Variants in HCRTR2 observed in about 807,000 individuals in gnomAD.
HCRTR2 encodes orexin receptor type 2.
HCRTR2 carries 22 observed loss-of-function variants against 49.0 expected under a neutral mutation model. The observed-to-expected ratio is 0.45, with a 90% CI of 0.32 to 0.64. HCRTR2 has a LOEUF of 0.64. HCRTR2 is among the 30% of genes least tolerant of loss of function. The pLI is 0.04. For synonymous variants in HCRTR2, 236 were observed against 205.3 expected, an observed-to-expected ratio of 1.15 and a Z score of -1.28; for missense variants, 491 against 559.4, an observed-to-expected ratio of 0.88 and a Z score of 1.23.
Position 55,159,681 on chromosome 6 carries a change from C to T in HCRTR2, c.-377-14530C>T, listed in dbSNP as rs780335425. ...GCTGAAAACTATAGCACAAGAACTT[C>T]GTGCAGCATACACAGGTATCAATAT... is the stretch of plus-strand genomic sequence containing the variant. On this transcript the variant is annotated intron_variant, in intron 1 of 7. Transcript: ENST00000615358. Among the ~76,000 whole-genome samples the T allele has an allele frequency of 7.9e-5, 12 of 152,090 alleles. No individual in the cohort carries two copies. In the South Asian group the frequency reaches 8.3e-4, roughly 11 times the overall value.
intron 1 of HCRTR2, among the ~76,000 whole-genome samples, chr6:55,152,275 CAT>C: frequency 6.6e-6 from 1 of 151,998 alleles, no homozygotes; most frequent in East Asian, 1.9e-4. Flanking sequence ...CATCCTAACA[CAT>C]GTGACGTAAA....
chr6:55,140,908 AAG>A (rs889882608), intron 1 of HCRTR2, among the ~76,000 whole-genome samples: 46 of 152,318 alleles, frequency 3.0e-4, no homozygotes, highest in African/African-American at 1.0e-3. Context: ...CGTAGAGGAA[AAG>A]AGAGTTCGGA....
At chr6:55,262,304 C>T (rs772064110) in intron 3 of HCRTR2, among the ~76,000 whole-genome samples, 32 of 137,532 alleles carry the variant, frequency 2.3e-4, no homozygotes, top group African/African-American at 3.0e-4. Context: ...TTCAGATTCC[C>T]GACATAATAT....
chr6:55,245,319 G>C (rs1766411105), intron 1 of HCRTR2, among the ~76,000 whole-genome samples: 1 of 144,252 alleles, frequency 6.9e-6, no homozygotes, highest in Non-Finnish European at 1.5e-5. Context: ...TTTCTTCTTA[G>C]GATTGAAAGG....
intron 1 of HCRTR2, among the ~76,000 whole-genome samples, chr6:55,139,635 G>C (rs575490502): frequency 2.0e-5 from 3 of 152,164 alleles, no homozygotes; most frequent in African/African-American, 7.2e-5. Flanking sequence ...CAAGATCAAA[G>C]GAGGTAATGT....
chr6:55,168,797 T>A lies in HCRTR2; in HGVS notation c.-377-5414T>A, dbSNP rs1449920041. On this transcript the variant is annotated intron_variant, in intron 1 of 7. Transcript: ENST00000615358. The stretch of plus-strand genomic sequence containing the variant: ...AGTTGCCCAACCTGGAAAATTGGAA[T>A]AATAATTCATAAAATCTTCCTCCTA... Among the ~76,000 whole-genome samples the A allele has an allele frequency of 2.0e-5, 3 of 152,092 alleles. No individual in the cohort carries two copies. In the East Asian group the frequency reaches 5.8e-4, roughly 29 times the overall value.
chr6:55,222,921 G>C (rs1765926278), intron 1 of HCRTR2, among the ~76,000 whole-genome samples: 1 of 152,086 alleles, frequency 6.6e-6, no homozygotes, highest in Non-Finnish European at 1.5e-5. Flanking sequence ...TTAGGTCCAT[G>C]TTATGTGATT....
intron 1 of HCRTR2, among the ~76,000 whole-genome samples, chr6:55,135,800 G>T (rs1183318410): frequency 1.3e-5 from 2 of 152,148 alleles, no homozygotes; most frequent in Admixed American, 6.6e-5. Flanking sequence ...CTGGAATTCA[G>T]CCTGATTTCA....
intron 1 of HCRTR2, among the ~76,000 whole-genome samples, chr6:55,192,390 AACACACACACACGCGCGCGCGCGCAC>A (rs936347929): frequency 1.5e-5 from 2 of 136,436 alleles, no homozygotes; most frequent in Non-Finnish European, 3.1e-5. Context: ...CCTTTCTCTA[AACACACACACACGCGCGCGCGCGCAC>A]ACACACACAC....
At chr6:55,149,117 C>T (rs72975491) in intron 1 of HCRTR2, among the ~76,000 whole-genome samples, 35,730 of 151,880 alleles carry the variant, frequency 0.24, 5,186 homozygotes, top group Middle Eastern at 0.39. Context: ...GCTTTCCCAC[C>T]ACAGAGACCC....
intron 1 of HCRTR2, among the ~76,000 whole-genome samples, chr6:55,199,035 T>C (rs1765465770): frequency 1.3e-5 from 2 of 152,328 alleles, no homozygotes; most frequent in South Asian, 4.1e-4. Flanking sequence ...TAGTTAGTTT[T>C]GCTCATGTAA....
At chr6:55,125,697 C>A (rs550336164) in intron 1 of HCRTR2, among the ~76,000 whole-genome samples, 2 of 152,242 alleles carry the variant, frequency 1.3e-5, no homozygotes, top group South Asian at 4.2e-4. Context: ...GGATAATATC[C>A]TGAAGAGTGT....
intron 4 of HCRTR2, among the ~76,000 whole-genome samples, chr6:55,275,644 G>C (rs1395589682): frequency 8.7e-6 from 1 of 114,524 alleles, no homozygotes; most frequent in Non-Finnish European, 1.7e-5. Context: ...TTTTGCTCTT[G>C]TTGCCCAGGC....
chr6:55,248,591 T>C (rs1303077347), intron 1 of HCRTR2, 48 bp from the exon 2 acceptor site: 9 of 1,417,232 alleles, frequency 6.4e-6, no homozygotes, highest in Non-Finnish European at 9.0e-6. Flanking sequence ...TCCTCACCAA[T>C]ACCTATTTTC....
intron 1 of HCRTR2, among the ~76,000 whole-genome samples, chr6:55,214,762 A>G (rs751728564): frequency 2.0e-5 from 3 of 152,120 alleles, no homozygotes; most frequent in Admixed American, 6.6e-5. Context: ...ATGTAAAAAG[A>G]ATCAAACAAA....
In HCRTR2 at chr6:55,252,493, C is replaced by T. The variant is rs149268726; in HGVS notation, c.403-2643C>T. 1.2e-4 allele frequency among the ~76,000 whole-genome samples: 18 copies of T among 152,090 alleles called. No homozygotes were observed. The East Asian group carries it at 1.5e-3, about 13-fold the overall frequency. On this transcript the variant is annotated intron_variant, in intron 2 of 6. Transcript: ENST00000370862. ...CTCTAGCCCAGAAGCTATGAAAAGGCGACTGTGCGAATCTATACAACCATA... is the reference window on the plus strand; with the variant it reads ...CTCTAGCCCAGAAGCTATGAAAAGGTGACTGTGCGAATCTATACAACCATA...
chr6:55,119,249 C>T (rs185282018), intron 1 of HCRTR2, among the ~76,000 whole-genome samples: 18 of 151,962 alleles, frequency 1.2e-4, no homozygotes, highest in South Asian at 8.3e-4. Context: ...AATAAACATA[C>T]GTGTGCATGT....
intron 3 of HCRTR2, among the ~76,000 whole-genome samples, chr6:55,257,895 T>C (rs1178497513): frequency 6.6e-6 from 1 of 151,948 alleles, no homozygotes; most frequent in Non-Finnish European, 1.5e-5. Context: ...TCCAACTTAG[T>C]AAAAGCTATA....
intron 1 of HCRTR2, among the ~76,000 whole-genome samples, chr6:55,176,694 A>G (rs1303365085): frequency 6.6e-6 from 1 of 152,152 alleles, no homozygotes; most frequent in African/African-American, 2.4e-5. Context: ...ATTTTTTCTG[A>G]CCTCAGATCC....
Sources: allele counts gnomAD v4.1 joint callset (sites outside exome capture counted in the v4.1 genomes callset), GRCh38; gene constraint gnomAD v4.1.1; transcripts MANE v1.5; gene names NCBI Gene and HGNC (gene_info 2026-07-23, HGNC 2026-07-21).